CSPG4: variants seen among roughly 807,000 people sequenced by gnomAD.
CSPG4 encodes chondroitin sulfate proteoglycan 4 (melanoma-associated).
A neutral mutation model predicts 139.3 loss-of-function variants in CSPG4; 74 were observed. The observed-to-expected ratio is 0.53, with a 90% CI of 0.44 to 0.64. CSPG4 has a LOEUF of 0.64. Among genes scored for constraint, CSPG4 ranks in the 30% least tolerant of loss-of-function variants. The pLI, the probability that CSPG4 is intolerant of heterozygous loss-of-function variation, is 0.00. For missense variants in CSPG4, 2,565 were observed against 3,148.3 expected (o/e 0.81, Z 4.43); for synonymous variants, 1,234 against 1,394.2 (o/e 0.89, Z 2.56).
upstream of CSPG4, chr15:75,712,968 G>C (rs1384840494): frequency 4.6e-5 from 24 of 526,084 alleles, no homozygotes; most frequent in Non-Finnish European, 7.0e-5. Context: ...CCTTCTTAAA[G>C]GGCCCGTGCG....
Position 75,677,235 on chromosome 15 carries a change from C to T in CSPG4, c.5284G>A (p.Val1762Met). 2.0e-6 allele frequency: 3 copies of T among 1,486,086 alleles called. No individual in the cohort carries two copies. The highest frequency in any genetic ancestry group is 1.4e-5 in the African/African-American group (1 of 71,302). 92.1% of individuals were successfully genotyped at this position (1,486,086 alleles called of 1,614,324 possible). A position where few individuals can be genotyped will look rare whatever the true frequency, so the allele number is the denominator to read the frequency against. The change falls in exon 10 of 10, where the codon GTG becomes ATG. Residue 1762 changes from valine to methionine, a missense_variant. Coordinates refer to ENST00000308508, the MANE Select transcript of CSPG4 (RefSeq NM_001897.5). ...TQFPSRGQLL[V>M]SEEPLHAGQP... ...CCAGCATGGAGGGGCTCCTCGGACACCAACAGCTGGCCCCGGCTGGGGAAC... is the reference window on the plus strand; with the variant it reads ...CCAGCATGGAGGGGCTCCTCGGACATCAACAGCTGGCCCCGGCTGGGGAAC...
intron 8 of CSPG4, among the ~76,000 whole-genome samples, chr15:75,681,818 C>T (rs576907626): frequency 6.6e-6 from 1 of 152,286 alleles, no homozygotes; most frequent in Non-Finnish European, 1.5e-5. Flanking sequence ...TTCATCAGCT[C>T]ATCTGCCCCT....
In CSPG4 at chr15:75,696,938, A is replaced by G. The variant is rs1178545443; in HGVS notation, c.89-3705T>C. Among the ~76,000 whole-genome samples the G allele has an allele frequency of 6.6e-6, 1 of 152,170 alleles. No homozygotes were observed. The highest frequency in any genetic ancestry group is 1.5e-5 in the Non-Finnish European group (1 of 68,000). ...CTCCGGGCTCCCCGGAGGCACTACT[A>G]GGAGGAGTGTGGATGGGCCCCTGAG... On this transcript the variant is annotated intron_variant, in intron 1 of 9. Coordinates refer to ENST00000308508, the MANE Select transcript of CSPG4 (RefSeq NM_001897.5). This position sits in a 1 kb window ranked among gnomAD's most constrained non-coding sequence, Gnocchi z 4.2.
intron 8 of CSPG4, chr15:75,678,800 G>A (rs977909988): frequency 1.3e-4 from 59 of 456,020 alleles, no homozygotes; most frequent in Non-Finnish European, 2.3e-4. Flanking sequence ...CTCCCCCATC[G>A]CCACATCTCC....
At position 75,677,250 on chromosome 15, in the gene CSPG4, G is replaced by T. The variant is rs139060202; in HGVS notation, c.5269C>A (p.Arg1757=). The change falls in exon 10 of 10, where the codon CGG becomes AGG. Residue 1757 remains arginine, a synonymous_variant. Coordinates refer to ENST00000308508, the MANE Select transcript of CSPG4 (RefSeq NM_001897.5). ...TCCTCGGACACCAACAGCTGGCCCCGGCTGGGGAACTGTGTGACCTGGAAG... is the reference window on the plus strand; with the variant it reads ...TCCTCGGACACCAACAGCTGGCCCCTGCTGGGGAACTGTGTGACCTGGAAG... ...VLFQVTQFPS[R]GQLLVSEEPL... 10 of 1,489,542 alleles carry T rather than the reference G, an allele frequency of 6.7e-6. No individual in the cohort carries two copies. The highest frequency in any genetic ancestry group is 9.0e-6 in the Non-Finnish European group (10 of 1,115,242). The allele number at this position is 1,489,542 out of a possible 1,614,324, so 92.3% of individuals were successfully genotyped here.
chr15:75,685,732 G>T, intron 3 of CSPG4, 31 bp from the exon 4 acceptor site: 1 of 1,559,046 alleles, frequency 6.4e-7, no homozygotes, highest in South Asian at 1.2e-5. Context: ...GGACTCACAG[G>T]GGGCCACAGA....
chr15:75,702,978 C>T (rs1219492138), intron 1 of CSPG4, among the ~76,000 whole-genome samples: 2 of 139,092 alleles, frequency 1.4e-5, no homozygotes, highest in African/African-American at 2.7e-5. Flanking sequence ...CTTTGGGGCA[C>T]GGGAGGACCT....
At chr15:75,694,936 C>T (rs1894207368) in intron 1 of CSPG4, among the ~76,000 whole-genome samples, 2 of 152,244 alleles carry the variant, frequency 1.3e-5, no homozygotes, top group South Asian at 4.1e-4. Context: ...GGCCATAGCA[C>T]AAGGGGTGGG....
intron 1 of CSPG4, among the ~76,000 whole-genome samples, chr15:75,705,904 T>C (rs1464853776): frequency 6.6e-6 from 1 of 152,136 alleles, no homozygotes; most frequent in Admixed American, 6.5e-5. Flanking sequence ...TATATGTCTG[T>C]GTGCGTGTGT....
intron 1 of CSPG4, among the ~76,000 whole-genome samples, chr15:75,712,387 A>G (rs1294223413): frequency 2.0e-5 from 3 of 152,188 alleles, no homozygotes; most frequent in Non-Finnish European, 4.4e-5. Context: ...AGACAATCCA[A>G]ACGGGCAAAG....
At chr15:75,686,722 A>G (rs2141427353) in intron 3 of CSPG4, among the ~76,000 whole-genome samples, 1 of 152,198 alleles carries the variant, frequency 6.6e-6, no homozygotes, top group Non-Finnish European at 1.5e-5. Context: ...TGAGCAGTGT[A>G]GGAGAGTAAG....
chr15:75,704,244 C>T (rs1894341488), intron 1 of CSPG4, among the ~76,000 whole-genome samples: 1 of 151,796 alleles, frequency 6.6e-6, no homozygotes, highest in African/African-American at 2.4e-5. Flanking sequence ...CTGAAGATTC[C>T]ACCCAGAGGC....
rs1893862728 is a variant in CSPG4, at chr15:75,674,570, CCGA to C, written c.*977_*979del. 2.5e-6 allele frequency: 1 copy of C among 395,002 alleles called. No homozygotes were observed. Among genetic ancestry groups the C allele is most frequent in the Admixed American group, 4.4e-5 (1 of 22,578 alleles). 24.5% of individuals were successfully genotyped at this position (395,002 alleles called of 1,614,324 possible). ...ACCCCAGGGGCCCTCTGTATGCAAG[CCGA>C]CGCAGACAAGGGCCCAGTGCATAGT... On this transcript the variant is annotated 3_prime_UTR_variant, in exon 10 of 10. Transcript: ENST00000308508.
intron 1 of CSPG4, among the ~76,000 whole-genome samples, chr15:75,706,184 A>G (rs553545708): frequency 3.3e-5 from 5 of 152,292 alleles, no homozygotes; most frequent in Admixed American, 6.5e-5. Context: ...GGGTGGGGGA[A>G]GGGGCTGCTC....
intron 5 of CSPG4, among the ~76,000 whole-genome samples, chr15:75,684,358 A>G (rs1468254217): frequency 2.0e-5 from 3 of 152,188 alleles, no homozygotes. Flanking sequence ...GAGCCAAGCC[A>G]TGGCCTTCAC....
Position 75,677,177 on chromosome 15 carries a change from G to A in CSPG4, c.5342C>T (p.Ala1781Val). The change falls in exon 10 of 10, where the codon GCA (alanine) becomes GTA (valine). Residue 1781 changes from alanine to valine, a missense_variant. By Grantham distance (64) the Ala-to-Val change is moderately conservative. Coordinates refer to ENST00000308508, the MANE Select transcript of CSPG4 (RefSeq NM_001897.5). ...QPHFLQSQLAAGQLVYAHGGG... is the reference protein window; with the variant it reads ...QPHFLQSQLAVGQLVYAHGGG... ...GCCGTGGGCATACACTAGCTGCCCTGCAGCCAGCTGGGACTGCAGGAAGTG... is the reference window on the plus strand; with the variant it reads ...GCCGTGGGCATACACTAGCTGCCCTACAGCCAGCTGGGACTGCAGGAAGTG... 1 of 1,433,238 alleles carries A rather than the reference G, an allele frequency of 7.0e-7. No homozygotes were observed. Among genetic ancestry groups the A allele is most frequent in the Non-Finnish European group, 9.2e-7 (1 of 1,090,636 alleles). 88.8% of individuals were successfully genotyped at this position (1,433,238 alleles called of 1,614,324 possible). A position where few individuals can be genotyped will look rare whatever the true frequency, so the allele number is the denominator to read the frequency against.
In CSPG4 at chr15:75,690,728, C is replaced by T; in HGVS notation, c.337G>A (p.Val113Met). Residue 113 changes from valine to methionine, a missense_variant, in exon 3 of 10, where the codon GTG (valine) becomes ATG (methionine). Val to Met is a conservative substitution (Grantham distance 21). Around this residue, in one of 5 missense-constraint regions of CSPG4, gnomAD observed 132 missense variants for 132.3 expected, o/e 1.00. Coordinates refer to ENST00000308508, the MANE Select transcript of CSPG4 (RefSeq NM_001897.5). Reference protein sequence around the residue: ...LLSDSIPHTVVLTVVEGWATL... With the variant: ...LLSDSIPHTVMLTVVEGWATL... ...GCCCAGCCCTCTACGACAGTCAGCA[C>T]CACAGTGTGGGGGATGGAGTCACTC... is the stretch of plus-strand genomic sequence containing the variant. 6.2e-7 allele frequency: 1 copy of T among 1,613,194 alleles called. No homozygotes were observed. The highest frequency in any genetic ancestry group is 8.5e-7 in the Non-Finnish European group (1 of 1,180,026).
In CSPG4 at chr15:75,689,540, C is replaced by A; in HGVS notation, c.1525G>T (p.Asp509Tyr). 2 of 1,612,814 alleles carry A rather than the reference C, an allele frequency of 1.2e-6. No homozygotes were observed. The highest frequency in any genetic ancestry group is 1.7e-6 in the Non-Finnish European group (2 of 1,179,856). Residue 509 changes from aspartate (D) to tyrosine (Y), a missense_variant, in exon 3 of 10, where the codon GAT becomes TAT. This residue lies in a region of CSPG4 where 2,316 missense variants were observed against 2,818.2 expected (regional missense o/e 0.82). Transcript: ENST00000308508. The part of the protein sequence containing the change: ...VVNRKARFIH[D>Y]GSEDTSDQLV... ...TGGTCGGAGGTGTCCTCAGAGCCAT[C>A]GTGGATGAAGCGGGCCTTGCGGTTC... is the stretch of plus-strand genomic sequence containing the variant.
rs1441231162 is a variant in CSPG4 at position 75,690,134 on chromosome 15, C to T, written c.931G>A (p.Gly311Arg). 6.2e-7 allele frequency: 1 copy of T among 1,613,046 alleles called. No homozygotes were observed. The highest frequency in any genetic ancestry group is 1.7e-5 in the Admixed American group (1 of 60,006). ...DQYPTHTSNR[G>R]VLSYLEPRGS... ...CGTGGCTCCAGGTAGCTGAGGACTC[C>T]TCGGTTCGAAGTATGCGTAGGGTAC... The change falls in exon 3 of 10, where the codon GGA (glycine) becomes AGA (arginine). Residue 311 changes from glycine to arginine, a missense_variant. Coordinates refer to ENST00000308508, the MANE Select transcript of CSPG4 (RefSeq NM_001897.5).
Sources: gnomAD v4.1 joint callset for allele counts (sites outside exome capture counted in the v4.1 genomes callset) on GRCh38, gnomAD v4.1.1 for gene constraint, gnomAD v4.1.1 regional missense constraint, Gnocchi (gnomAD v3.1) non-coding constraint, MANE v1.5 for transcripts, NCBI Gene and HGNC (gene_info 2026-07-23, HGNC 2026-07-21) for gene names.